The following LRFN2 variants were observed in gnomAD, a reference collection of about 807,000 sequenced individuals.
LRFN2 encodes leucine rich repeat and fibronectin type III domain containing 2, also known as leucine-rich repeat and fibronectin type-III domain-containing protein 2.
Under a neutral mutation model 37.3 loss-of-function variants are expected in LRFN2, and 18 were observed. That is an observed-to-expected ratio of 0.48 (90% CI 0.33 to 0.72). The LOEUF (loss-of-function observed/expected upper bound fraction) is 0.72. Ranked by LOEUF, LRFN2 falls within the 30% of genes least tolerant of loss-of-function variation. The probability of loss-of-function intolerance (pLI) is 0.02; values close to 1 mark genes in which losing one functional copy is unlikely to be tolerated. For synonymous variants in LRFN2, 556 were observed against 466.6 expected, an observed-to-expected ratio of 1.19 and a Z score of -2.47; for missense variants, 1,006 against 1,060.7, an observed-to-expected ratio of 0.95 and a Z score of 0.72.
At chr6:40,581,512 C>T (rs1767402422) in intron 1 of LRFN2, among the ~76,000 whole-genome samples, 1 of 152,204 alleles carries the variant, frequency 6.6e-6, no homozygotes, top group African/African-American at 2.4e-5. Context: ...TAACCTCTCA[C>T]CTCCATGACC....
chr6:40,392,454 T>A lies in LRFN2; in HGVS notation c.1859A>T (p.Asp620Val). 6.4e-7 allele frequency: 1 copy of A among 1,566,926 alleles called. No homozygotes were observed. The highest frequency in any genetic ancestry group is 8.7e-7 in the Non-Finnish European group (1 of 1,155,920). Residue 620 changes from aspartate to valine, a missense_variant, in exon 3 of 3, where the codon GAC (aspartate) becomes GTC (valine). By Grantham distance (152) the Asp-to-Val change is radical. Around this residue, in one of 4 missense-constraint regions of LRFN2, gnomAD observed 398 missense variants for 327.6 expected, o/e 1.21. Transcript: ENST00000338305. This position sits in a 1 kb window ranked among gnomAD's most constrained non-coding sequence, Gnocchi z 4.7. Reference protein sequence around the residue: ...DFTASLARASDSSSSSSLGSG... With the variant: ...DFTASLARASVSSSSSSLGSG... ...GCCCAGGGAGCTGGAGGAAGAGGAG[T>A]CACTGGCGCGGGCCAGGCTGGCGGT...
At chr6:40,415,921 A>G (rs1306565277) in intron 2 of LRFN2, among the ~76,000 whole-genome samples, 2 of 152,244 alleles carry the variant, frequency 1.3e-5, no homozygotes, top group Non-Finnish European at 2.9e-5. Flanking sequence ...CAGAAAAAGA[A>G]TTAGTTTTAT....
At chr6:40,401,543 C>T (rs908424463) in intron 2 of LRFN2, among the ~76,000 whole-genome samples, 1 of 152,158 alleles carries the variant, frequency 6.6e-6, no homozygotes, top group African/African-American at 2.4e-5. Flanking sequence ...TTTGATTCTG[C>T]TTGAGGCTTT....
intron 1 of LRFN2, among the ~76,000 whole-genome samples, chr6:40,551,892 A>G (rs911195016): frequency 3.9e-5 from 6 of 152,230 alleles, no homozygotes; most frequent in African/African-American, 1.4e-4. Flanking sequence ...GGTAGAAGGA[A>G]GGAAGATTCA....
intron 1 of LRFN2, among the ~76,000 whole-genome samples, chr6:40,530,985 C>G (rs1207788359): frequency 2.0e-5 from 3 of 152,152 alleles, no homozygotes; most frequent in Non-Finnish European, 4.4e-5. Context: ...TTTAAAAAAG[C>G]ATGTTTGTTG....
intron 1 of LRFN2, among the ~76,000 whole-genome samples, chr6:40,483,438 A>C (rs1286478795): frequency 6.6e-6 from 1 of 152,166 alleles, no homozygotes; most frequent in Admixed American, 6.5e-5. Context: ...TTCTTGGGGA[A>C]GGTGAGGTGG....
intron 1 of LRFN2, among the ~76,000 whole-genome samples, chr6:40,435,052 T>TATAGAGAGAGAG (rs1482968698): frequency 3.5e-4 from 13 of 37,534 alleles, no homozygotes; most frequent in East Asian, 8.7e-4. Flanking sequence ...TATATATATA[T>TATAGAGAGAGAG]AGAGAGAGAG....
At chr6:40,435,038 TATATATATATATATAGAGAG>T (rs1241297182) in intron 1 of LRFN2, among the ~76,000 whole-genome samples, 35 of 93,120 alleles carry the variant, frequency 3.8e-4, no homozygotes, top group African/African-American at 1.3e-3. Flanking sequence ...TATATATATA[TATATATATATATATAGAGAG>T]AGAGAGAGAG....
At chr6:40,580,041 A>G (rs934593518) in intron 1 of LRFN2, among the ~76,000 whole-genome samples, 8 of 152,230 alleles carry the variant, frequency 5.3e-5, no homozygotes, top group Non-Finnish European at 5.9e-5. Context: ...CACAGAAGCT[A>G]TAGCCTCAAG....
At chr6:40,471,147 C>T (rs1023512857) in intron 1 of LRFN2, among the ~76,000 whole-genome samples, 5 of 152,048 alleles carry the variant, frequency 3.3e-5, no homozygotes, top group African/African-American at 1.2e-4. Flanking sequence ...GGCAGGGGTA[C>T]GGATGAGGCT....
intron 1 of LRFN2, among the ~76,000 whole-genome samples, chr6:40,467,697 T>A (rs1764501879): frequency 6.6e-6 from 1 of 152,200 alleles, no homozygotes; most frequent in Non-Finnish European, 1.5e-5. Flanking sequence ...GACAGAGACC[T>A]AGCCTCGGCC....
At chr6:40,472,898 C>T (rs1764630990) in intron 1 of LRFN2, among the ~76,000 whole-genome samples, 1 of 152,152 alleles carries the variant, frequency 6.6e-6, no homozygotes, top group South Asian at 2.1e-4. Context: ...ATCTCTGTCT[C>T]TCCCACCCTG....
chr6:40,418,929 A>G (rs1763155870), intron 2 of LRFN2, among the ~76,000 whole-genome samples: 2 of 152,160 alleles, frequency 1.3e-5, no homozygotes, highest in Non-Finnish European at 2.9e-5. Context: ...CTTTTCCTAG[A>G]CCAGTGATTC....
At chr6:40,527,351 A>C (rs1237492250) in intron 1 of LRFN2, among the ~76,000 whole-genome samples, 4 of 152,240 alleles carry the variant, frequency 2.6e-5, no homozygotes, top group Non-Finnish European at 5.9e-5. Flanking sequence ...CTTACTCTGC[A>C]CCAGGGGCTT....
chr6:40,425,588 C>T (rs890663771), intron 2 of LRFN2, among the ~76,000 whole-genome samples: 1 of 152,222 alleles, frequency 6.6e-6, no homozygotes, highest in Non-Finnish European at 1.5e-5. Flanking sequence ...TGACTTCTCT[C>T]CCCTTTGTTG....
chr6:40,424,490 A>G (rs1051128286), intron 2 of LRFN2, among the ~76,000 whole-genome samples: 5 of 152,284 alleles, frequency 3.3e-5, no homozygotes, highest in Admixed American at 1.3e-4. Context: ...AATCTACGCA[A>G]TCTGTTTGAG....
intron 2 of LRFN2, among the ~76,000 whole-genome samples, chr6:40,413,135 C>T (rs760526191): frequency 1.2e-4 from 18 of 152,198 alleles, no homozygotes; most frequent in Non-Finnish European, 2.4e-4. Context: ...GACAGATTGG[C>T]CACATTTGCA....
At chr6:40,545,651 G>T (rs1299452882) in intron 1 of LRFN2, among the ~76,000 whole-genome samples, 1 of 151,932 alleles carries the variant, frequency 6.6e-6, no homozygotes, top group East Asian at 1.9e-4. Context: ...GAGGGGAGAG[G>T]ATAATGGGAA....
intron 2 of LRFN2, among the ~76,000 whole-genome samples, chr6:40,424,487 G>A (rs1296690537): frequency 3.3e-5 from 5 of 152,156 alleles, no homozygotes; most frequent in East Asian, 3.9e-4. Context: ...TAAAATCTAC[G>A]CAATCTGTTT....
Sources: gnomAD v4.1 joint callset for allele counts (sites outside exome capture counted in the v4.1 genomes callset) on GRCh38, gnomAD v4.1.1 for gene constraint, gnomAD v4.1.1 regional missense constraint, Gnocchi (gnomAD v3.1) non-coding constraint, MANE v1.5 for transcripts, NCBI Gene and HGNC (gene_info 2026-07-23, HGNC 2026-07-21) for gene names.